SIPA1L2: variants seen among roughly 807,000 people sequenced by gnomAD.
The protein encoded by SIPA1L2 is signal induced proliferation associated 1 like 2.
In SIPA1L2, 56 loss-of-function variants were observed where a neutral mutation model predicts 163.9. The ratio of observed to expected loss-of-function variants is 0.34; its 90% CI spans 0.28 to 0.43. The LOEUF (loss-of-function observed/expected upper bound fraction) is 0.43, where lower values mean the gene tolerates loss of function less well. SIPA1L2 is among the 20% of genes least tolerant of loss of function. The pLI, the probability that SIPA1L2 is intolerant of heterozygous loss-of-function variation, is 1.00. For synonymous variants in SIPA1L2, 877 were observed against 865.7 expected (o/e 1.01, Z -0.23); for missense variants, 1,974 against 2,193.5 (o/e 0.90, Z 2.00).
chr1:232,486,208 G>T (rs12749460), intron 5 of SIPA1L2, among the ~76,000 whole-genome samples: 2 of 152,064 alleles, frequency 1.3e-5, no homozygotes, highest in African/African-American at 4.8e-5. Context: ...GTCAAGCAGA[G>T]CCGTCACCAG....
At chr1:232,603,379 G>T (rs773333910) in intron 1 of SIPA1L2, among the ~76,000 whole-genome samples, 1 of 150,444 alleles carries the variant, frequency 6.6e-6, no homozygotes, top group Non-Finnish European at 1.5e-5. Flanking sequence ...GTGACAATAA[G>T]ATCATGAGAC....
At chr1:232,627,517 G>T (rs1663142693) in intron 1 of SIPA1L2, among the ~76,000 whole-genome samples, 1 of 151,738 alleles carries the variant, frequency 6.6e-6, no homozygotes, top group Non-Finnish European at 1.5e-5. Context: ...TCCCAGTCTT[G>T]CGGGGTGAGG....
At chr1:232,529,484 G>A (rs1029706671) in intron 2 of SIPA1L2, among the ~76,000 whole-genome samples, 2 of 152,242 alleles carry the variant, frequency 1.3e-5, no homozygotes, top group African/African-American at 4.8e-5. Context: ...CTCCTGGCTT[G>A]GCGGAGGCCA....
chr1:232,422,763 A>T (rs995958562), intron 18 of SIPA1L2, among the ~76,000 whole-genome samples: 7 of 152,218 alleles, frequency 4.6e-5, no homozygotes, highest in African/African-American at 1.7e-4. Flanking sequence ...ACTACTGGGC[A>T]ACTTCAAATA....
chr1:232,457,869 T>C (rs1338092051), intron 10 of SIPA1L2, among the ~76,000 whole-genome samples: 1 of 152,200 alleles, frequency 6.6e-6, no homozygotes, highest in African/African-American at 2.4e-5. Flanking sequence ...TATCTGGTTA[T>C]GAGAGGTTGT....
intron 19 of SIPA1L2, among the ~76,000 whole-genome samples, chr1:232,407,544 G>A (rs1171805354): frequency 1.3e-5 from 2 of 152,184 alleles, no homozygotes; most frequent in African/African-American, 4.8e-5. Context: ...CGGTTATGTG[G>A]AGCATTTCAT....
intron 1 of SIPA1L2, among the ~76,000 whole-genome samples, chr1:232,615,276 G>C (rs1045878951): frequency 3.9e-5 from 6 of 152,222 alleles, no homozygotes; most frequent in Non-Finnish European, 8.8e-5. Flanking sequence ...CTCCAAAGTG[G>C]CCACTAAAAT....
chr1:232,515,999 C>G (rs1024155012), intron 2 of SIPA1L2, among the ~76,000 whole-genome samples: 2 of 152,184 alleles, frequency 1.3e-5, no homozygotes, highest in Admixed American at 1.3e-4. Flanking sequence ...AGCTGTGTAC[C>G]AGCATTAACT....
At chr1:232,410,272 G>A (rs1660873331) in intron 19 of SIPA1L2, among the ~76,000 whole-genome samples, 1 of 152,008 alleles carries the variant, frequency 6.6e-6, no homozygotes, top group South Asian at 2.1e-4. Flanking sequence ...TGAAGAAATA[G>A]GTTCTAATTC....
intron 2 of SIPA1L2, among the ~76,000 whole-genome samples, chr1:232,559,247 T>C (rs1361177279): frequency 8.5e-5 from 13 of 152,204 alleles, no homozygotes; most frequent in Non-Finnish European, 1.5e-5. Context: ...CAGAGCTCAA[T>C]CATAGGGCAG....
At chr1:232,619,438 C>T (rs758753675) in intron 1 of SIPA1L2, among the ~76,000 whole-genome samples, 6 of 152,250 alleles carry the variant, frequency 3.9e-5, no homozygotes, top group Non-Finnish European at 8.8e-5. Flanking sequence ...CCTAAGAAGG[C>T]AGTGCATTCA....
In SIPA1L2 at chr1:232,617,202, C is replaced by T. The variant is rs146074967; in HGVS notation, c.-319+12667G>A. On this transcript the variant is annotated intron_variant, in intron 1 of 22. Coordinates refer to ENST00000674635, the MANE Select transcript of SIPA1L2 (RefSeq NM_020808.5). ...ATGTCAGGATCCATCTCTTCAGAAG[C>T]AAAGTTGCTCAGCTCAATGCTGTGA... Among the ~76,000 whole-genome samples the T allele has an allele frequency of 1.8e-3, 275 of 152,310 alleles. 1 individual carries two copies. The highest frequency in any genetic ancestry group is 5.9e-3 in the African/African-American group (247 of 41,578).
At chr1:232,577,207 C>G (rs1174167231) in intron 1 of SIPA1L2, among the ~76,000 whole-genome samples, 1 of 152,136 alleles carries the variant, frequency 6.6e-6, no homozygotes, top group African/African-American at 2.4e-5. Context: ...CTACTCTGCC[C>G]GTGCTCTATC....
chr1:232,398,441 T>C lies in SIPA1L2; in HGVS notation c.*686A>G, dbSNP rs1460997431. On this transcript the variant is annotated 3_prime_UTR_variant, in exon 23 of 23. Coordinates refer to ENST00000674635, the MANE Select transcript of SIPA1L2 (RefSeq NM_020808.5). ...CTCGGTGAGCCATTTACAAGGCATA[T>C]GTATCTTTTTTTTGTTTTTAATCAG... is the stretch of plus-strand genomic sequence containing the variant. 1 of 152,588 alleles carries C rather than the reference T, an allele frequency of 6.6e-6. No homozygotes were observed. The highest frequency in any genetic ancestry group is 1.5e-5 in the Non-Finnish European group (1 of 68,036). The allele number at this position is 152,588 out of a possible 1,614,324, so 9.5% of individuals were successfully genotyped here.
At chr1:232,606,198 A>C (rs1366741440) in intron 1 of SIPA1L2, among the ~76,000 whole-genome samples, 1 of 152,256 alleles carries the variant, frequency 6.6e-6, no homozygotes, top group East Asian at 1.9e-4. Context: ...ATGTAGACTA[A>C]TTCACAAAGA....
chr1:232,476,984 C>G (rs1003172393), intron 7 of SIPA1L2, among the ~76,000 whole-genome samples: 1 of 152,146 alleles, frequency 6.6e-6, no homozygotes, highest in Non-Finnish European at 1.5e-5. Flanking sequence ...TCATTTCAGA[C>G]ATTTCTACCT....
At chr1:232,439,756 A>G (rs1662780618) in intron 14 of SIPA1L2, among the ~76,000 whole-genome samples, 1 of 152,276 alleles carries the variant, frequency 6.6e-6, no homozygotes. Flanking sequence ...TAAGCACAAA[A>G]CTATGGCCAC....
chr1:232,502,359 T>C (rs959928207), intron 3 of SIPA1L2, among the ~76,000 whole-genome samples: 1 of 152,144 alleles, frequency 6.6e-6, no homozygotes, highest in Non-Finnish European at 1.5e-5. Context: ...TCCGGCACAG[T>C]TCATGGGTCA....
intron 1 of SIPA1L2, among the ~76,000 whole-genome samples, chr1:232,583,030 T>C (rs1405614884): frequency 6.6e-6 from 1 of 152,180 alleles, no homozygotes; most frequent in Non-Finnish European, 1.5e-5. Flanking sequence ...ACCAGGCCAC[T>C]AGCAATATCT....
Sources: gnomAD v4.1 joint callset for allele counts (sites outside exome capture counted in the v4.1 genomes callset) on GRCh38, gnomAD v4.1.1 for gene constraint, MANE v1.5 for transcripts, NCBI Gene and HGNC (gene_info 2026-07-23, HGNC 2026-07-21) for gene names.